PXDNL: variants seen among roughly 807,000 people sequenced by gnomAD.
PXDNL encodes probable oxidoreductase PXDNL.
Under a neutral mutation model 150.8 loss-of-function variants are expected in PXDNL, and 145 were observed. The ratio of observed to expected loss-of-function variants is 0.96; its 90% CI spans 0.84 to 1.10. The LOEUF (loss-of-function observed/expected upper bound fraction) is 1.10. Ranked by LOEUF, PXDNL falls within the 50% of genes least tolerant of loss-of-function variation. The pLI is 0.00. For synonymous variants in PXDNL, 757 were observed against 725.7 expected, an observed-to-expected ratio of 1.04 and a Z score of -0.69; for missense variants, 2,087 against 1,873.9, an observed-to-expected ratio of 1.11 and a Z score of -2.10.
intron 1 of PXDNL, among the ~76,000 whole-genome samples, chr8:51,790,256 TATC>T (rs2037498282): frequency 6.6e-6 from 1 of 151,544 alleles, no homozygotes; most frequent in Admixed American, 6.6e-5. Context: ...TGAAATGAAA[TATC>T]ATTCAAAAGG....
chr8:51,604,980 CAAGTAA>C (rs1458703217), intron 2 of PXDNL, among the ~76,000 whole-genome samples: 3 of 152,036 alleles, frequency 2.0e-5, no homozygotes, highest in Non-Finnish European at 4.4e-5. Flanking sequence ...CACATTTGCC[CAAGTAA>C]AACTAAAAGA....
At chr8:51,484,412 G>T (rs2130176950) in intron 5 of PXDNL, among the ~76,000 whole-genome samples, 1 of 144,956 alleles carries the variant, frequency 6.9e-6, no homozygotes, top group African/African-American at 2.5e-5. Context: ...TTCAGCCTGG[G>T]TGACAGAGCA....
intron 4 of PXDNL, among the ~76,000 whole-genome samples, chr8:51,522,798 C>G (rs563755030): frequency 1.3e-5 from 2 of 151,886 alleles, no homozygotes; most frequent in Non-Finnish European, 2.9e-5. Flanking sequence ...GAGCCAAGAT[C>G]GTGCCATTGA....
chr8:51,403,300 A>G (rs1344343545), intron 17 of PXDNL, among the ~76,000 whole-genome samples: 1 of 152,210 alleles, frequency 6.6e-6, no homozygotes, highest in Non-Finnish European at 1.5e-5. Context: ...GGATATTTGT[A>G]CATGTCACAA....
chr8:51,714,446 G>A (rs7816154), intron 1 of PXDNL, among the ~76,000 whole-genome samples: 2 of 152,022 alleles, frequency 1.3e-5, no homozygotes, highest in South Asian at 2.1e-4. Flanking sequence ...AGTCATTCTG[G>A]GAGGCTCTCT....
chr8:51,733,821 AT>A, intron 1 of PXDNL, among the ~76,000 whole-genome samples: 2 of 141,566 alleles, frequency 1.4e-5, no homozygotes, highest in South Asian at 2.2e-4. Context: ...TAATATATAT[AT>A]ATATATATAT....
intron 1 of PXDNL, among the ~76,000 whole-genome samples, chr8:51,733,701 A>C (rs1486955719): frequency 6.6e-6 from 1 of 151,482 alleles, no homozygotes; most frequent in African/African-American, 2.4e-5. Flanking sequence ...CCAGCTGCTC[A>C]GGTGGCTGAG....
chr8:51,691,608 T>A (rs987375104), intron 1 of PXDNL, among the ~76,000 whole-genome samples: 1 of 150,744 alleles, frequency 6.6e-6, no homozygotes, highest in African/African-American at 2.4e-5. Flanking sequence ...TAAAATAAAG[T>A]TTAAAGTTGA....
intron 1 of PXDNL, among the ~76,000 whole-genome samples, chr8:51,704,824 T>A (rs1029943538): frequency 1.3e-5 from 2 of 152,234 alleles, no homozygotes; most frequent in Non-Finnish European, 2.9e-5. Flanking sequence ...TCTACTCTTT[T>A]TTCATTCTTA....
intron 10 of PXDNL, among the ~76,000 whole-genome samples, chr8:51,452,954 A>ACACACACACACACACACACACG (rs1563418465): frequency 3.9e-5 from 6 of 152,072 alleles, no homozygotes; most frequent in African/African-American, 1.4e-4. Flanking sequence ...ACACACACAC[A>ACACACACACACACACACACACG]CATGCACGCA....
chr8:51,604,860 G>A (rs2130694035), intron 2 of PXDNL, among the ~76,000 whole-genome samples: 1 of 151,902 alleles, frequency 6.6e-6, no homozygotes, highest in African/African-American at 2.4e-5. Context: ...GTCAGAGTTT[G>A]TATAGTATTA....
chr8:51,612,455 C>T (rs1245874684), intron 2 of PXDNL, among the ~76,000 whole-genome samples: 1 of 152,204 alleles, frequency 6.6e-6, no homozygotes, highest in Non-Finnish European at 1.5e-5. Context: ...TTTGCTTCTT[C>T]CCCTTTTCCC....
At chr8:51,586,897 C>A (rs888031353) in intron 3 of PXDNL, among the ~76,000 whole-genome samples, 1 of 152,092 alleles carries the variant, frequency 6.6e-6, no homozygotes, top group African/African-American at 2.4e-5. Flanking sequence ...ATAACCATGG[C>A]CAGAAACAGA....
chr8:51,470,836 G>A (rs1275197443), intron 8 of PXDNL, among the ~76,000 whole-genome samples: 3 of 151,952 alleles, frequency 2.0e-5, no homozygotes, highest in South Asian at 2.1e-4. Context: ...AAATTAACTC[G>A]AGATGGATTG....
intron 14 of PXDNL, among the ~76,000 whole-genome samples, chr8:51,422,060 C>T (rs1345824534): frequency 6.6e-6 from 1 of 152,034 alleles, no homozygotes; most frequent in African/African-American, 2.4e-5. Context: ...AGCACAAACC[C>T]TATTGTGAAC....
At chr8:51,743,222 G>A (rs532617131) in intron 1 of PXDNL, among the ~76,000 whole-genome samples, 5 of 151,946 alleles carry the variant, frequency 3.3e-5, no homozygotes, top group African/African-American at 1.2e-4. Flanking sequence ...CCCTACTTTT[G>A]TTTTTGTTTT....
chr8:51,431,932 C>A (rs1809256666), intron 12 of PXDNL, among the ~76,000 whole-genome samples: 1 of 152,170 alleles, frequency 6.6e-6, no homozygotes, highest in Admixed American at 6.5e-5. Flanking sequence ...TCAAAACACA[C>A]TTGCCAGTTA....
chr8:51,555,502 A>T (rs978034492), intron 4 of PXDNL, among the ~76,000 whole-genome samples: 3 of 152,210 alleles, frequency 2.0e-5, no homozygotes, highest in Non-Finnish European at 4.4e-5. Flanking sequence ...TGATTGGTTG[A>T]CTGTGTTTTA....
At chr8:51,534,477 A>T (rs1488393062) in intron 4 of PXDNL, among the ~76,000 whole-genome samples, 8 of 58,150 alleles carry the variant, frequency 1.4e-4, no homozygotes, top group South Asian at 1.1e-3. Flanking sequence ...TCCGGGAGGG[A>T]GGTGGGGGGG....
Sources: allele counts gnomAD v4.1 joint callset (sites outside exome capture counted in the v4.1 genomes callset), GRCh38; gene constraint gnomAD v4.1.1; transcripts MANE v1.5; gene names NCBI Gene and HGNC (gene_info 2026-07-23, HGNC 2026-07-21).